SORCS2: variants seen among roughly 807,000 people sequenced by gnomAD.
SORCS2 encodes VPS10 domain-containing receptor SorCS2.
SORCS2 carries 100 observed loss-of-function variants against 141.6 expected under a neutral mutation model. The observed-to-expected ratio is 0.71, with a 90% confidence interval of 0.60 to 0.83. SORCS2 has a LOEUF of 0.83. Ranked by LOEUF, SORCS2 falls within the 40% of genes least tolerant of loss-of-function variation. SORCS2 has a pLI of 0.00. For synonymous variants in SORCS2, 789 were observed against 676.9 expected (o/e 1.17, Z -2.57); for missense variants, 1,646 against 1,560.2 (o/e 1.05, Z -0.93).
At chr4:7,667,348 G>T in intron 8 of SORCS2, 135 bp downstream of exon 8, 1 of 767,820 alleles carries the variant, frequency 1.3e-6, no homozygotes, top group Non-Finnish European at 2.2e-6. Context: ...GCCACGCTTC[G>T]TCCAGCTGCT....
chr4:7,608,951 T>A (rs1718228151), intron 3 of SORCS2, among the ~76,000 whole-genome samples: 1 of 152,092 alleles, frequency 6.6e-6, no homozygotes, highest in Non-Finnish European at 1.5e-5. Flanking sequence ...GCACTAGTCA[T>A]CCTTTCCAAA....
intron 1 of SORCS2, among the ~76,000 whole-genome samples, chr4:7,223,721 C>T (rs998024809): frequency 6.6e-6 from 1 of 152,060 alleles, no homozygotes; most frequent in Non-Finnish European, 1.5e-5. Flanking sequence ...TCAGGGGCCT[C>T]CTGGTGCCTT....
intron 1 of SORCS2, among the ~76,000 whole-genome samples, chr4:7,207,158 C>A (rs948463690): frequency 2.0e-5 from 3 of 152,194 alleles, no homozygotes; most frequent in Admixed American, 6.5e-5. Context: ...TCTCAGGGGG[C>A]CTTCTAATGG....
chr4:7,688,694 A>G (rs1052336910), intron 10 of SORCS2, among the ~76,000 whole-genome samples: 3 of 139,900 alleles, frequency 2.1e-5, no homozygotes, highest in East Asian at 4.3e-4. Context: ...ACTTCACCCT[A>G]TGGAGTTCCC....
intron 1 of SORCS2, among the ~76,000 whole-genome samples, chr4:7,275,079 C>G (rs1325230747): frequency 6.6e-6 from 1 of 152,200 alleles, no homozygotes; most frequent in Non-Finnish European, 1.5e-5. Flanking sequence ...TGATGAGAAT[C>G]TCTCCAAAAT....
chr4:7,703,821 T>A (rs1223661862), intron 13 of SORCS2, among the ~76,000 whole-genome samples: 2 of 152,170 alleles, frequency 1.3e-5, no homozygotes, highest in Non-Finnish European at 1.5e-5. Context: ...CCAGTATCAC[T>A]GTAGTCTGAA....
chr4:7,355,917 C>T (rs940879626), intron 1 of SORCS2, among the ~76,000 whole-genome samples: 9 of 152,346 alleles, frequency 5.9e-5, no homozygotes, highest in African/African-American at 1.9e-4. Flanking sequence ...GCAAAGCTTC[C>T]TTGGCTGGGA....
At chr4:7,730,194 G>T (rs1711556283) in intron 23 of SORCS2, among the ~76,000 whole-genome samples, 1 of 152,148 alleles carries the variant, frequency 6.6e-6, no homozygotes, top group Admixed American at 6.5e-5. Flanking sequence ...CATGTGACAG[G>T]TGTGGGAAGG....
chr4:7,371,170 T>C (rs962089146), intron 1 of SORCS2, among the ~76,000 whole-genome samples: 1 of 152,182 alleles, frequency 6.6e-6, no homozygotes, highest in African/African-American at 2.4e-5. Context: ...TGGGTGCAGG[T>C]GTCCCCCTCA....
At chr4:7,521,807 G>T (rs925786533) in intron 2 of SORCS2, among the ~76,000 whole-genome samples, 1 of 152,226 alleles carries the variant, frequency 6.6e-6, no homozygotes, top group Non-Finnish European at 1.5e-5. Flanking sequence ...CCTCAAGAGG[G>T]GTTCTGGGGT....
chr4:7,566,525 C>T (rs978546315), intron 3 of SORCS2, among the ~76,000 whole-genome samples: 2 of 152,250 alleles, frequency 1.3e-5, no homozygotes, highest in Admixed American at 6.5e-5. Context: ...AGAGGCCACA[C>T]AGCAGGTTAG....
chr4:7,495,591 G>A (rs1560331786), intron 2 of SORCS2, among the ~76,000 whole-genome samples: 1 of 152,218 alleles, frequency 6.6e-6, no homozygotes, highest in Non-Finnish European at 1.5e-5. Context: ...TGTACATCAT[G>A]GAAATGAGCA....
chr4:7,245,282 C>G (rs953544356), intron 1 of SORCS2, among the ~76,000 whole-genome samples: 1 of 152,202 alleles, frequency 6.6e-6, no homozygotes, highest in African/African-American at 2.4e-5. Context: ...ACCCCCCACC[C>G]CGGCTTGGCT....
At chr4:7,632,635 G>T (rs919911243) in intron 3 of SORCS2, among the ~76,000 whole-genome samples, 5 of 152,214 alleles carry the variant, frequency 3.3e-5, no homozygotes, top group African/African-American at 1.2e-4. Context: ...CTAATGGAGG[G>T]TGCGGACTGC....
chr4:7,360,163 C>T (rs1332905807), intron 1 of SORCS2, among the ~76,000 whole-genome samples: 1 of 152,244 alleles, frequency 6.6e-6, no homozygotes, highest in Non-Finnish European at 1.5e-5. Flanking sequence ...GATCCGCCTA[C>T]TCTGTGCCCC....
At chr4:7,612,945 G>A (rs995516770) in intron 3 of SORCS2, among the ~76,000 whole-genome samples, 6 of 152,236 alleles carry the variant, frequency 3.9e-5, no homozygotes, top group Admixed American at 1.3e-4. Flanking sequence ...TCTTCGAGCC[G>A]GGCAAGGGCC....
At chr4:7,567,717 G>A (rs1015524376) in intron 3 of SORCS2, among the ~76,000 whole-genome samples, 1 of 152,294 alleles carries the variant, frequency 6.6e-6, no homozygotes, top group Admixed American at 6.5e-5. Flanking sequence ...CCATGTTTAA[G>A]GAGTGAGTCT....
At chr4:7,223,371 C>T (rs1299728666) in intron 1 of SORCS2, among the ~76,000 whole-genome samples, 1 of 152,114 alleles carries the variant, frequency 6.6e-6, no homozygotes, top group African/African-American at 2.4e-5. Flanking sequence ...ATATTGTATG[C>T]ATTTTCCTAC....
intron 1 of SORCS2, among the ~76,000 whole-genome samples, chr4:7,294,519 C>T (rs1320041584): frequency 6.6e-6 from 1 of 151,908 alleles, no homozygotes; most frequent in Non-Finnish European, 1.5e-5. Flanking sequence ...CCTCCATGCC[C>T]CAGGGAGCTC....
Sources: gnomAD v4.1 joint callset for allele counts (sites outside exome capture counted in the v4.1 genomes callset) on GRCh38, gnomAD v4.1.1 for gene constraint, MANE v1.5 for transcripts, NCBI Gene and HGNC (gene_info 2026-07-23, HGNC 2026-07-21) for gene names.